Variants in SLC6A11 observed in about 807,000 individuals in gnomAD.
SLC6A11 encodes solute carrier family 6 member 11.
In SLC6A11, 25 loss-of-function variants were observed where a neutral mutation model predicts 74.8. That is an observed-to-expected ratio of 0.33 (90% confidence interval 0.24 to 0.47). The LOEUF (loss-of-function observed/expected upper bound fraction) is 0.47, where lower values mean the gene tolerates loss of function less well. SLC6A11 is among the 20% of genes least tolerant of loss of function. SLC6A11 has a pLI of 1.00. For synonymous variants in SLC6A11, 330 were observed against 330.2 expected (o/e 1.00, Z 0.01); for missense variants, 574 against 837.0 (o/e 0.69, Z 3.88).
chr3:10,888,357 A>G (rs1695068893), intron 6 of SLC6A11, among the ~76,000 whole-genome samples: 1 of 152,232 alleles, frequency 6.6e-6, no homozygotes, highest in Admixed American at 6.5e-5. Flanking sequence ...TGAGGCTGCT[A>G]TCAAATGACC....
chr3:10,879,739 A>G (rs1458653130), intron 6 of SLC6A11, among the ~76,000 whole-genome samples: 2 of 152,202 alleles, frequency 1.3e-5, no homozygotes, highest in African/African-American at 2.4e-5. Flanking sequence ...TATATATATG[A>G]TATGTATGAT....
chr3:10,842,684 C>G (rs1694453063), intron 4 of SLC6A11, among the ~76,000 whole-genome samples: 1 of 152,006 alleles, frequency 6.6e-6, no homozygotes, highest in African/African-American at 2.4e-5. Flanking sequence ...CTTTTTTTAT[C>G]CTAGGCTCTA....
intron 13 of SLC6A11, among the ~76,000 whole-genome samples, chr3:10,936,850 C>T (rs192079973): frequency 5.9e-5 from 9 of 152,120 alleles, no homozygotes; most frequent in Non-Finnish European, 1.2e-4. Context: ...CTGGTGTGGG[C>T]GGGAAAGCAG....
chr3:10,846,244 GATGAGTAAA>G (rs1694501115), intron 5 of SLC6A11, among the ~76,000 whole-genome samples: 2 of 152,204 alleles, frequency 1.3e-5, no homozygotes, highest in Non-Finnish European at 2.9e-5. Flanking sequence ...GGTTTCTAAA[GATGAGTAAA>G]ACACAGCCTC....
chr3:10,859,333 G>A (rs574206989), intron 5 of SLC6A11, among the ~76,000 whole-genome samples: 10 of 152,342 alleles, frequency 6.6e-5, no homozygotes, highest in African/African-American at 2.4e-4. Flanking sequence ...TGAGTGCCCA[G>A]TGCTCAGTGG....
At chr3:10,835,726 T>A (rs919038124) in intron 4 of SLC6A11, among the ~76,000 whole-genome samples, 1 of 152,172 alleles carries the variant, frequency 6.6e-6, no homozygotes, top group Non-Finnish European at 1.5e-5. Flanking sequence ...AGCCTGAGTT[T>A]CCTCTGAACA....
At chr3:10,834,008 A>G (rs59084005) in intron 4 of SLC6A11, among the ~76,000 whole-genome samples, 5,737 of 152,362 alleles carry the variant, frequency 0.038, 358 homozygotes, top group African/African-American at 0.13. Flanking sequence ...CACCTACTGT[A>G]TACCCTGGCC....
In SLC6A11 at chr3:10,881,544, C is replaced by T. The variant is rs74968337; in HGVS notation, c.891+6449C>T. Among the ~76,000 whole-genome samples the T allele has an allele frequency of 7.8e-3, 1,184 of 152,352 alleles. 58 individuals are homozygous for T. The South Asian group carries it at 0.1, about 13-fold the overall frequency. On this transcript the variant is annotated intron_variant, in intron 6 of 13. Coordinates refer to ENST00000254488, the MANE Select transcript of SLC6A11 (RefSeq NM_014229.3). Reference sequence around the variant, plus strand: ...GAGGGCTGTTAGCTTGTGTACCTTGCGTTAGAACCCCAAAATTGCCTTGTC... The same window carrying T: ...GAGGGCTGTTAGCTTGTGTACCTTGTGTTAGAACCCCAAAATTGCCTTGTC...
At chr3:10,862,015 G>A (rs1201386749) in intron 5 of SLC6A11, among the ~76,000 whole-genome samples, 1 of 152,106 alleles carries the variant, frequency 6.6e-6, no homozygotes, top group African/African-American at 2.4e-5. Flanking sequence ...TCCAAATGCG[G>A]CCCCTGAGTA....
intron 7 of SLC6A11, among the ~76,000 whole-genome samples, chr3:10,913,842 C>A (rs1230808902): frequency 6.6e-6 from 1 of 152,048 alleles, no homozygotes; most frequent in African/African-American, 2.4e-5. Context: ...TACAGGCGCC[C>A]GCCACCACGC....
At chr3:10,854,462 T>G (rs1694614450) in intron 5 of SLC6A11, among the ~76,000 whole-genome samples, 1 of 152,344 alleles carries the variant, frequency 6.6e-6, no homozygotes, top group Non-Finnish European at 1.5e-5. Context: ...ATTCTCTCAT[T>G]GTTTATGTGT....
At chr3:10,867,240 C>G (rs1694776784) in intron 5 of SLC6A11, among the ~76,000 whole-genome samples, 1 of 152,106 alleles carries the variant, frequency 6.6e-6, no homozygotes, top group African/African-American at 2.4e-5. Context: ...TTAAAAACAG[C>G]CAGAGGAGAA....
chr3:10,933,083 G>A lies in SLC6A11; in HGVS notation c.1372-68G>A, dbSNP rs530885980. 15 of 1,119,934 alleles carry A rather than the reference G, an allele frequency of 1.3e-5. No individual in the cohort carries two copies. In the African/African-American group the frequency reaches 1.7e-4, roughly 13 times the overall value. The allele number at this position is 1,119,934 out of a possible 1,614,324, so 69.4% of individuals were successfully genotyped here. A position where few individuals can be genotyped will look rare whatever the true frequency, so the allele number is the denominator to read the frequency against. ...AGAGAGAGGGACCTTCCTGAGGCCA[G>A]ATGGCTGACCCTGCTCTCCCGTGTG... On this transcript the variant is annotated intron_variant, in intron 10 of 13. Transcript: ENST00000254488.
In SLC6A11 at chr3:10,906,737, G is replaced by A. The variant is rs145070817; in HGVS notation, c.892-5353G>A. Among the ~76,000 whole-genome samples the A allele has an allele frequency of 1.6e-3, 238 of 152,302 alleles. 1 individual carries two copies. The highest frequency in any genetic ancestry group is 5.4e-3 in the African/African-American group (226 of 41,560). On this transcript the variant is annotated intron_variant, in intron 6 of 13. Coordinates refer to ENST00000254488, the MANE Select transcript of SLC6A11 (RefSeq NM_014229.3). ...GGGAAGCAGACTCCAAATTGAGCAGGACAGAGACACTAGAGGAAATGAAAG... is the reference window on the plus strand; with the variant it reads ...GGGAAGCAGACTCCAAATTGAGCAGAACAGAGACACTAGAGGAAATGAAAG...
chr3:10,894,770 G>A (rs1695150391), intron 6 of SLC6A11, among the ~76,000 whole-genome samples: 1 of 152,134 alleles, frequency 6.6e-6, no homozygotes, highest in Non-Finnish European at 1.5e-5. Flanking sequence ...ATGTGTACTT[G>A]AAAATCGCTA....
At chr3:10,932,296 A>T (rs1223509741) in intron 10 of SLC6A11, among the ~76,000 whole-genome samples, 1 of 152,160 alleles carries the variant, frequency 6.6e-6, no homozygotes, top group Non-Finnish European at 1.5e-5. Flanking sequence ...CATCCCATGA[A>T]GATGGACCAC....
intron 6 of SLC6A11, among the ~76,000 whole-genome samples, chr3:10,894,907 A>C (rs950014324): frequency 3.3e-5 from 5 of 152,200 alleles, no homozygotes; most frequent in Admixed American, 3.3e-4. Context: ...AAATATATAG[A>C]ATTTTTGTCA....
intron 5 of SLC6A11, among the ~76,000 whole-genome samples, chr3:10,866,358 A>G (rs915443391): frequency 1.3e-5 from 2 of 152,192 alleles, no homozygotes; most frequent in African/African-American, 4.8e-5. Flanking sequence ...TGGGGCAGCC[A>G]TGGGTCCTTT....
chr3:10,938,103 G>A (rs1695779361), intron 13 of SLC6A11, 147 bp from the exon 14 acceptor site: 1 of 632,870 alleles, frequency 1.6e-6, no homozygotes, highest in South Asian at 3.0e-5. Flanking sequence ...CCAGGACAGA[G>A]CTGTAAGGGG....
Sources: allele counts gnomAD v4.1 joint callset (sites outside exome capture counted in the v4.1 genomes callset), GRCh38; gene constraint gnomAD v4.1.1; transcripts MANE v1.5; gene names NCBI Gene and HGNC (gene_info 2026-07-23, HGNC 2026-07-21).